NEK10: variants seen among roughly 807,000 people sequenced by gnomAD.
NEK10 encodes the protein NIMA related kinase 10, also known as serine/threonine-protein kinase Nek10.
NEK10 carries 122 observed loss-of-function variants against 159.8 expected under a neutral mutation model. The observed-to-expected ratio is 0.76, with a 90% CI of 0.66 to 0.89. The LOEUF (loss-of-function observed/expected upper bound fraction) is 0.89, where lower values mean the gene tolerates loss of function less well. NEK10 is among the 40% of genes least tolerant of loss of function. The probability of loss-of-function intolerance (pLI) is 0.00; values close to 1 mark genes in which losing one functional copy is unlikely to be tolerated. For synonymous variants in NEK10, 466 were observed against 457.1 expected (o/e 1.02, Z -0.25); for missense variants, 1,342 against 1,323.1 (o/e 1.01, Z -0.22).
rs192431178 is a variant in NEK10, at chr3:27,217,857, T to C, written c.2091-15300A>G. 2.2e-4 allele frequency among the ~76,000 whole-genome samples: 33 copies of C among 152,274 alleles called. No homozygotes were observed. The Middle Eastern group carries it at 0.01, about 47-fold the overall frequency. On this transcript the variant is annotated intron_variant, in intron 23 of 35. Transcript: ENST00000691995. ...CCCAGTGGATGCCTGAAACCAAAGA[T>C]AGTACCAAACCCTATACAAACTTTT... is the stretch of plus-strand genomic sequence containing the variant.
At chr3:27,289,294 C>A (rs958616433) in intron 19 of NEK10, among the ~76,000 whole-genome samples, 1 of 152,162 alleles carries the variant, frequency 6.6e-6, no homozygotes, top group Non-Finnish European at 1.5e-5. Context: ...CATTTGGGAT[C>A]CTCTTTGTTA....
At chr3:27,112,881 A>G (rs1411291293) in intron 35 of NEK10, among the ~76,000 whole-genome samples, 1 of 152,210 alleles carries the variant, frequency 6.6e-6, no homozygotes, top group Non-Finnish European at 1.5e-5. Context: ...ACCTCTACAT[A>G]TGCTGTGACA....
chr3:27,162,620 GA>G (rs768054030), intron 30 of NEK10, 80 bp downstream of exon 30: 35 of 1,613,924 alleles, frequency 2.2e-5, no homozygotes, highest in Non-Finnish European at 2.8e-5. Context: ...ATAAAAGGGG[GA>G]AAGATATGAA....
chr3:27,157,000 T>TA lies in NEK10; in HGVS notation c.2869+5700dup, dbSNP rs571738076. Reference sequence around the variant, plus strand: ...TATATGATGAAATACTACTCAGCCATAAAAAAGGAATGAATTAACAGCATT... The same window carrying TA: ...TATATGATGAAATACTACTCAGCCATAAAAAAAGGAATGAATTAACAGCATT... On this transcript the variant is annotated intron_variant, in intron 30 of 35. Coordinates refer to ENST00000691995, the MANE Select transcript of NEK10 (RefSeq NM_001394966.1). Among the ~76,000 whole-genome samples the TA allele has an allele frequency of 2.1e-4, 24 of 117,016 alleles. No individual in the cohort carries two copies. In the East Asian group the frequency reaches 6.4e-3, roughly 31 times the overall value. The allele number at this position is 117,016 out of a possible 152,430, so 76.8% of individuals were successfully genotyped here.
At chr3:27,257,788 CT>C (rs79727702) in intron 22 of NEK10, among the ~76,000 whole-genome samples, 24,995 of 129,232 alleles carry the variant, frequency 0.19, 1,350 homozygotes, top group Middle Eastern at 0.29. Context: ...TTTCTTTTTT[CT>C]TTTTTTTTTT....
At chr3:27,337,030 C>CGG (rs143426288) in intron 5 of NEK10, among the ~76,000 whole-genome samples, 42 of 151,430 alleles carry the variant, frequency 2.8e-4, no homozygotes, top group African/African-American at 8.5e-4. Context: ...ACACATTTGG[C>CGG]GGGGGGGAAA....
rs1950142695 is a variant in NEK10 at position 27,202,529 on chromosome 3, C to T, written c.2119G>A (p.Gly707Arg). 1.2e-6 allele frequency: 2 copies of T among 1,611,908 alleles called. No individual in the cohort carries two copies. The highest frequency in any genetic ancestry group is 1.1e-5 in the South Asian group (1 of 90,672). ...CPEVLKSEPYGEKADVWAVGC... is the reference protein window; with the variant it reads ...CPEVLKSEPYREKADVWAVGC... ...ACTGCCCAGACATCAGCCTTCTCCC[C>T]ATACGGCTCACTCTTCAGTACCTCG... Residue 707 changes from glycine to arginine, a missense_variant, in exon 24 of 36, where the codon GGG becomes AGG. Physicochemically the swap from Gly to Arg is moderately radical, Grantham distance 125. Coordinates refer to ENST00000691995, the MANE Select transcript of NEK10 (RefSeq NM_001394966.1).
intron 1 of NEK10, among the ~76,000 whole-genome samples, chr3:27,364,890 G>A (rs917366320): frequency 1.3e-5 from 2 of 152,174 alleles, no homozygotes; most frequent in African/African-American, 4.8e-5. Context: ...ATTACCTAAT[G>A]TAACACTCCT....
intron 23 of NEK10, among the ~76,000 whole-genome samples, chr3:27,229,578 G>A (rs545961606): frequency 1.3e-5 from 2 of 152,188 alleles, no homozygotes; most frequent in Non-Finnish European, 2.9e-5. Context: ...GTTACTCAAG[G>A]AGATAACAGA....
chr3:27,290,460 C>T (rs1333270176), intron 19 of NEK10, among the ~76,000 whole-genome samples, 157 bp downstream of exon 19: 1 of 152,128 alleles, frequency 6.6e-6, no homozygotes, highest in Non-Finnish European at 1.5e-5. Context: ...AATGTCAAGC[C>T]TTAGGAAAAA....
At chr3:27,242,690 A>G (rs1018241876) in intron 23 of NEK10, among the ~76,000 whole-genome samples, 1 of 152,346 alleles carries the variant, frequency 6.6e-6, no homozygotes, top group Non-Finnish European at 1.5e-5. Context: ...ATTTATGAAG[A>G]AAGTACACTT....
At chr3:27,144,405 G>A (rs1944095598) in intron 30 of NEK10, among the ~76,000 whole-genome samples, 1 of 152,158 alleles carries the variant, frequency 6.6e-6, no homozygotes. Context: ...GCCTCATTGT[G>A]CGTAAGTACA....
intron 3 of NEK10, among the ~76,000 whole-genome samples, chr3:27,348,006 C>T (rs978627048): frequency 6.6e-6 from 1 of 152,104 alleles, no homozygotes; most frequent in Admixed American, 6.6e-5. Flanking sequence ...TTGCTTTGTA[C>T]ATACTCTTTT....
intron 10 of NEK10, 137 bp downstream of exon 10, chr3:27,308,789 C>T (rs1019134395): frequency 7.0e-6 from 3 of 430,722 alleles, no homozygotes; most frequent in Non-Finnish European, 1.3e-5. Flanking sequence ...CCAGGATTCT[C>T]TTCAACATGT....
chr3:27,300,553 C>T (rs566655276), intron 13 of NEK10, among the ~76,000 whole-genome samples: 3 of 152,292 alleles, frequency 2.0e-5, no homozygotes, highest in East Asian at 1.9e-4. Flanking sequence ...TGAGATACTA[C>T]ATATCTATGT....
chr3:27,127,659 C>A (rs1329085198), intron 32 of NEK10, among the ~76,000 whole-genome samples: 1 of 152,112 alleles, frequency 6.6e-6, no homozygotes, highest in Non-Finnish European at 1.5e-5. Flanking sequence ...CTATCACTGA[C>A]CAAAACATCA....
At chr3:27,111,704 C>A (rs900144869) in intron 35 of NEK10, among the ~76,000 whole-genome samples, 1 of 152,042 alleles carries the variant, frequency 6.6e-6, no homozygotes, top group African/African-American at 2.4e-5. Context: ...ACTGTTATTT[C>A]TCAACACATT....
chr3:27,229,076 C>T (rs1488730921), intron 23 of NEK10, among the ~76,000 whole-genome samples: 1 of 152,120 alleles, frequency 6.6e-6, no homozygotes, highest in Non-Finnish European at 1.5e-5. Context: ...AAATAAAATA[C>T]TAGGGGAAAA....
At chr3:27,132,253 A>G (rs745844552) in intron 31 of NEK10, among the ~76,000 whole-genome samples, 3 of 152,186 alleles carry the variant, frequency 2.0e-5, no homozygotes, top group Non-Finnish European at 4.4e-5. Context: ...TTTTCATTTA[A>G]CAAATTATTC....
Sources: gnomAD v4.1 joint callset for allele counts (sites outside exome capture counted in the v4.1 genomes callset) on GRCh38, gnomAD v4.1.1 for gene constraint, MANE v1.5 for transcripts, NCBI Gene and HGNC (gene_info 2026-07-23, HGNC 2026-07-21) for gene names.